Variants in NRXN1 observed in about 807,000 individuals in gnomAD.
NRXN1 encodes neurexin 1, also known as neurexin-1.
NRXN1 carries 39 observed loss-of-function variants against 150.9 expected under a neutral mutation model. That is an observed-to-expected ratio of 0.26 (90% CI 0.20 to 0.34). The LOEUF is 0.34. Among genes scored for constraint, NRXN1 ranks in the 10% least tolerant of loss-of-function variants. The pLI is 1.00. For missense variants in NRXN1, 1,815 were observed against 1,949.9 expected (o/e 0.93, Z 1.30); for synonymous variants, 924 against 757.0 (o/e 1.22, Z -3.62).
chr2:50,714,350 A>T (rs918940545), intron 5 of NRXN1, among the ~76,000 whole-genome samples: 1 of 152,136 alleles, frequency 6.6e-6, no homozygotes, highest in South Asian at 2.1e-4. Context: ...ATATTAAGAG[A>T]AATCTGTCTT....
intron 5 of NRXN1, chr2:50,631,282 C>A (rs1294616395): frequency 6.4e-6 from 2 of 314,714 alleles, no homozygotes; most frequent in Non-Finnish European, 1.3e-5. Flanking sequence ...CTTAGGTAAA[C>A]CTCGAGACCA....
intron 5 of NRXN1, among the ~76,000 whole-genome samples, chr2:50,668,058 T>C (rs1316550544): frequency 6.6e-6 from 1 of 152,020 alleles, no homozygotes; most frequent in Non-Finnish European, 1.5e-5. Flanking sequence ...TTAGAAACAA[T>C]GGGAGCTGTA....
intron 18 of NRXN1, among the ~76,000 whole-genome samples, chr2:50,212,607 A>C (rs1362543851): frequency 6.6e-6 from 1 of 151,954 alleles, no homozygotes; most frequent in East Asian, 1.9e-4. Context: ...AAATTGGTAA[A>C]AGAAGTTGAA....
chr2:49,982,396 A>G (rs1680128619), intron 21 of NRXN1, among the ~76,000 whole-genome samples: 1 of 152,076 alleles, frequency 6.6e-6, no homozygotes, highest in Non-Finnish European at 1.5e-5. Flanking sequence ...GGGCTTAGCA[A>G]TGCTTCCAGC....
chr2:51,018,517 CCACTCCTAAGTTCAATT>C (rs1225366736), intron 2 of NRXN1, among the ~76,000 whole-genome samples: 5 of 152,066 alleles, frequency 3.3e-5, no homozygotes, highest in Non-Finnish European at 5.9e-5. Context: ...ACTCTAAGAA[CCACTCCTAAGTTCAATT>C]TCAAGCTATG....
At chr2:50,945,937 G>GTATTATTATTAT (rs538118636) in intron 2 of NRXN1, among the ~76,000 whole-genome samples, 7 of 145,852 alleles carry the variant, frequency 4.8e-5, no homozygotes, top group African/African-American at 1.5e-4. Context: ...TACTTGTAAA[G>GTATTATTATTAT]TATTATTATT....
intron 21 of NRXN1, among the ~76,000 whole-genome samples, chr2:50,025,251 ACATATATACAACTCTATC>A (rs1688111168): frequency 6.6e-6 from 1 of 152,208 alleles, no homozygotes. Context: ...TTCCTACAAT[ACATATATACAACTCTATC>A]CAACCACGGC....
intron 5 of NRXN1, among the ~76,000 whole-genome samples, chr2:50,627,715 G>A (rs1263607017): frequency 1.3e-5 from 2 of 151,426 alleles, no homozygotes; most frequent in Non-Finnish European, 3.0e-5. Flanking sequence ...GAGTCAGCAG[G>A]AGCCTTAAAG....
chr2:50,205,086 G>T (rs1384418759), intron 18 of NRXN1, among the ~76,000 whole-genome samples: 3 of 152,144 alleles, frequency 2.0e-5, no homozygotes, highest in African/African-American at 7.2e-5. Context: ...GCTTAGAAAG[G>T]TTAAGCATCT....
At chr2:49,950,044 G>T (rs1673650813) in intron 21 of NRXN1, among the ~76,000 whole-genome samples, 1 of 151,740 alleles carries the variant, frequency 6.6e-6, no homozygotes, top group African/African-American at 2.4e-5. Flanking sequence ...CCCAAGTAAG[G>T]TCCAACCCAG....
chr2:50,457,683 T>C (rs1319844954), intron 17 of NRXN1, among the ~76,000 whole-genome samples: 2 of 151,886 alleles, frequency 1.3e-5, no homozygotes, highest in Non-Finnish European at 2.9e-5. Context: ...AGAAGACATA[T>C]AAATGGTCAA....
At chr2:50,502,817 G>A (rs1208367590) in intron 13 of NRXN1, among the ~76,000 whole-genome samples, 1 of 151,674 alleles carries the variant, frequency 6.6e-6, no homozygotes, top group African/African-American at 2.4e-5. Flanking sequence ...TTGGGTGTAG[G>A]TATATATACT....
intron 18 of NRXN1, among the ~76,000 whole-genome samples, chr2:50,116,152 GT>G (rs150848987): frequency 0.089 from 13,474 of 151,988 alleles, 692 homozygotes; most frequent in Middle Eastern, 0.16. Flanking sequence ...TATAGCCGGA[GT>G]TTTTTTAAAG....
At chr2:50,863,390 T>C (rs897741489) in intron 5 of NRXN1, among the ~76,000 whole-genome samples, 3 of 152,016 alleles carry the variant, frequency 2.0e-5, no homozygotes, top group South Asian at 2.1e-4. Flanking sequence ...CTTCCAAATA[T>C]GCAAATCAGC....
chr2:50,320,454 GA>G (rs1185456697), intron 17 of NRXN1, among the ~76,000 whole-genome samples: 1 of 150,962 alleles, frequency 6.6e-6, no homozygotes, highest in Non-Finnish European at 1.5e-5. Flanking sequence ...CATTTAAAGA[GA>G]ATTAAAATGA....
chr2:50,625,308 G>A (rs1368580964), intron 5 of NRXN1, among the ~76,000 whole-genome samples: 1 of 151,934 alleles, frequency 6.6e-6, no homozygotes, highest in Non-Finnish European at 1.5e-5. Flanking sequence ...TAAATATCAC[G>A]GTGAGCACCT....
chr2:50,884,043 G>A (rs990606657), intron 5 of NRXN1, among the ~76,000 whole-genome samples: 9 of 151,818 alleles, frequency 5.9e-5, no homozygotes, highest in South Asian at 2.1e-4. Context: ...TTCTTAGTAT[G>A]CTTCGATAAA....
intron 19 of NRXN1, among the ~76,000 whole-genome samples, chr2:50,079,317 C>G (rs887484209): frequency 2.6e-5 from 4 of 152,032 alleles, no homozygotes; most frequent in African/African-American, 9.7e-5. Flanking sequence ...CCACTACTAT[C>G]TATCTAATAT....
chr2:50,411,272 C>G (rs1040510956), intron 17 of NRXN1, among the ~76,000 whole-genome samples: 8 of 152,192 alleles, frequency 5.3e-5, no homozygotes, highest in Non-Finnish European at 1.2e-4. Flanking sequence ...GAGTGATCTG[C>G]CAGCCTTGGC....
Sources: gnomAD v4.1 joint callset for allele counts (sites outside exome capture counted in the v4.1 genomes callset) on GRCh38, gnomAD v4.1.1 for gene constraint, MANE v1.5 for transcripts, NCBI Gene and HGNC (gene_info 2026-07-23, HGNC 2026-07-21) for gene names.